The following TMEM97 variants were observed in gnomAD, a reference collection of about 807,000 sequenced individuals.
TMEM97 encodes the protein sigma intracellular receptor 2.
In TMEM97, 13 loss-of-function variants were observed where a neutral mutation model predicts 18.3. That is an observed-to-expected ratio of 0.71 (90% CI 0.46 to 1.13). The LOEUF is 1.13. TMEM97 is among the 50% of genes most tolerant of loss of function. The pLI, the probability that TMEM97 is intolerant of heterozygous loss-of-function variation, is 0.00. For missense variants in TMEM97, 205 were observed against 210.5 expected, an observed-to-expected ratio of 0.97 and a Z score of 0.16; for synonymous variants, 76 against 85.3, an observed-to-expected ratio of 0.89 and a Z score of 0.60.
Position 28,325,489 on chromosome 17 carries a change from G to A in TMEM97, c.127-14G>A, listed in dbSNP as rs782761705. On this transcript the variant is annotated splice_polypyrimidine_tract_variant and intron_variant, in intron 1 of 2. Coordinates refer to ENST00000226230, the MANE Select transcript of TMEM97 (RefSeq NM_014573.3). ...CAAGTGGCTGTAATTCATCATGATCGTTTTCTTTTTCAGTTTAGAAACCTG... is the reference window on the plus strand; with the variant it reads ...CAAGTGGCTGTAATTCATCATGATCATTTTCTTTTTCAGTTTAGAAACCTG... The A allele has an allele frequency of 6.4e-5, 103 of 1,611,880 alleles. No individual in the cohort carries two copies. The highest frequency in any genetic ancestry group is 4.9e-4 in the Middle Eastern group (3 of 6,074).
At chr17:28,321,110 C>T (rs181323040) in intron 1 of TMEM97, among the ~76,000 whole-genome samples, 21 of 152,298 alleles carry the variant, frequency 1.4e-4, no homozygotes, top group Non-Finnish European at 2.6e-4. Context: ...AAGAGGTCAT[C>T]GCAGCTCTGC....
chr17:28,321,108 A>G (rs1906126042), intron 1 of TMEM97, among the ~76,000 whole-genome samples: 1 of 152,246 alleles, frequency 6.6e-6, no homozygotes, highest in Non-Finnish European at 1.5e-5. Flanking sequence ...CGAAGAGGTC[A>G]TCGCAGCTCT....
chr17:28,326,048 TA>T (rs1456564839), intron 2 of TMEM97, among the ~76,000 whole-genome samples: 1 of 152,260 alleles, frequency 6.6e-6, no homozygotes, highest in Non-Finnish European at 1.5e-5. Context: ...CTTCTCATTT[TA>T]AAATTATTCT....
At chr17:28,323,435 T>C in intron 1 of TMEM97, among the ~76,000 whole-genome samples, 1 of 152,114 alleles carries the variant, frequency 6.6e-6, no homozygotes, top group East Asian at 1.9e-4. Context: ...TTTTTTTTTT[T>C]TTAATTTTTT....
intron 2 of TMEM97, among the ~76,000 whole-genome samples, chr17:28,326,181 T>C (rs7226182): frequency 0.12 from 17,861 of 152,246 alleles, 1,263 homozygotes; most frequent in East Asian, 0.23. Flanking sequence ...GAATCTGCCT[T>C]CTGATCCTCT....
At position 28,326,625 on chromosome 17, in the gene TMEM97, G is replaced by C; in HGVS notation, c.363G>C (p.Glu121Asp). Residue 121 changes from glutamate to aspartate, a missense_variant, in exon 3 of 3, where the codon GAG (glutamate) becomes GAC (aspartate). By Grantham distance (45) the Glu-to-Asp change is conservative (BLOSUM62 2). Coordinates refer to ENST00000226230, the MANE Select transcript of TMEM97 (RefSeq NM_014573.3). ...LIPILSTFLF[E>D]DFSKASGFKG... ...CGATACTCTCCACATTTCTGTTTGA[G>C]GATTTCTCCAAAGCCAGTGGTTTCA... 1 of 1,614,114 alleles carries C rather than the reference G, an allele frequency of 6.2e-7. No individual in the cohort carries two copies. The highest frequency in any genetic ancestry group is 8.5e-7 in the Non-Finnish European group (1 of 1,180,024).
At chr17:28,323,729 C>T (rs1271474428) in intron 1 of TMEM97, among the ~76,000 whole-genome samples, 3 of 152,134 alleles carry the variant, frequency 2.0e-5, no homozygotes, top group African/African-American at 7.2e-5. Flanking sequence ...GCAGTCAGGC[C>T]GGGTGCAGTG....
chr17:28,324,496 G>T (rs557415603), intron 1 of TMEM97, among the ~76,000 whole-genome samples: 67 of 152,284 alleles, frequency 4.4e-4, no homozygotes, highest in African/African-American at 1.5e-3. Context: ...CCCTGGAGTT[G>T]CCTTTATTAA....
chr17:28,322,470 C>T (rs1906184923), intron 1 of TMEM97, among the ~76,000 whole-genome samples: 1 of 152,108 alleles, frequency 6.6e-6, no homozygotes, highest in Non-Finnish European at 1.5e-5. Context: ...TCTCAAACTC[C>T]TGACCTCAAG....
Position 28,319,206 on chromosome 17 carries a change from T to C in TMEM97, c.-34T>C. ...AGGCGCGCGGATTTGGCCCCTCTTCTCACATCAGCGGGTCCAGGCCCAACC... is the reference window on the plus strand; with the variant it reads ...AGGCGCGCGGATTTGGCCCCTCTTCCCACATCAGCGGGTCCAGGCCCAACC... On this transcript the variant is annotated 5_prime_UTR_variant, in exon 1 of 3. Transcript: ENST00000226230. The C allele has an allele frequency of 1.3e-6, 2 of 1,562,688 alleles. No individual in the cohort carries two copies. Among genetic ancestry groups the C allele is most frequent in the Non-Finnish European group, 1.7e-6 (2 of 1,154,158 alleles).
intron 1 of TMEM97, chr17:28,324,546 G>C (rs774466484): frequency 3.5e-4 from 53 of 152,176 alleles, no homozygotes; most frequent in Non-Finnish European, 7.1e-4. Flanking sequence ...AGGCCTGTGT[G>C]TCAGGGCAGC....
rs1906481915 is a variant in TMEM97 at position 28,328,559 on chromosome 17, T to C, written c.*1766T>C. 2 of 774,660 alleles carry C rather than the reference T, an allele frequency of 2.6e-6. No individual in the cohort carries two copies. The highest frequency in any genetic ancestry group is 4.3e-6 in the Non-Finnish European group (2 of 460,594). The allele number at this position is 774,660 out of a possible 1,614,324, so 48.0% of individuals were successfully genotyped here. A position where few individuals can be genotyped will look rare whatever the true frequency, so the allele number is the denominator to read the frequency against. Reference sequence around the variant, plus strand: ...ACGCCACCTCTTGTGACATAGGTCATTGGTCAAGCCGCTGGAATGCTACAG... The same window carrying C: ...ACGCCACCTCTTGTGACATAGGTCACTGGTCAAGCCGCTGGAATGCTACAG... On this transcript the variant is annotated 3_prime_UTR_variant, in exon 3 of 3. Transcript: ENST00000226230.
intron 1 of TMEM97, among the ~76,000 whole-genome samples, chr17:28,320,390 C>T (rs1426059116): frequency 6.6e-6 from 1 of 152,154 alleles, no homozygotes; most frequent in African/African-American, 2.4e-5. Flanking sequence ...TTCTACCACT[C>T]CCATAAGTCA....
chr17:28,325,751 G>T, intron 2 of TMEM97, 104 bp downstream of exon 2: 1 of 1,483,116 alleles, frequency 6.7e-7, no homozygotes, highest in South Asian at 1.3e-5. Flanking sequence ...CATAGTTTGT[G>T]GGAGAATGCT....
chr17:28,326,933 C>A lies in TMEM97; in HGVS notation c.*140C>A. ...GCAATGCACAAGAGCAAGATGGTGT[C>A]AGGAACCATGTCAAACCCTCACCTT... On this transcript the variant is annotated 3_prime_UTR_variant, in exon 3 of 3. Coordinates refer to ENST00000226230, the MANE Select transcript of TMEM97 (RefSeq NM_014573.3). 1 of 1,066,192 alleles carries A rather than the reference C, an allele frequency of 9.4e-7. No homozygotes were observed. The highest frequency in any genetic ancestry group is 1.3e-6 in the Non-Finnish European group (1 of 741,468). The allele number at this position is 1,066,192 out of a possible 1,614,324, so 66.0% of individuals were successfully genotyped here.
rs782594088 is a variant in TMEM97 at position 28,319,238 on chromosome 17, C to T, written c.-2C>T. On this transcript the variant is annotated 5_prime_UTR_variant, in exon 1 of 3. Coordinates refer to ENST00000226230, the MANE Select transcript of TMEM97 (RefSeq NM_014573.3). ...AGCGGGTCCAGGCCCAACCGACAGA[C>T]TATGGGGGCTCCGGCAACCAGGCGC... The T allele has an allele frequency of 1.0e-5, 16 of 1,606,376 alleles. No homozygotes were observed. Among genetic ancestry groups the T allele is most frequent in the East Asian group, 2.3e-5 (1 of 44,288 alleles).
intron 1 of TMEM97, chr17:28,324,571 G>A (rs1906263851): frequency 6.6e-6 from 1 of 152,158 alleles, no homozygotes; most frequent in Non-Finnish European, 1.5e-5. Flanking sequence ...CATCTAGGAG[G>A]TTAAATGTGA....
At chr17:28,325,914 G>A (rs1193403523) in intron 2 of TMEM97, 7 of 481,048 alleles carry the variant, frequency 1.5e-5, no homozygotes, top group Non-Finnish European at 2.6e-5. Flanking sequence ...TAAACAATGA[G>A]CTTGTTCCCT....
At chr17:28,325,838 G>A in intron 2 of TMEM97, 191 bp downstream of exon 2, 1 of 740,990 alleles carries the variant, frequency 1.3e-6, no homozygotes, top group Non-Finnish European at 2.1e-6. Context: ...TCTGTGGTCA[G>A]CAGGCCTGCA....
Sources: allele counts gnomAD v4.1 joint callset (sites outside exome capture counted in the v4.1 genomes callset), GRCh38; gene constraint gnomAD v4.1.1; transcripts MANE v1.5; gene names NCBI Gene and HGNC (gene_info 2026-07-23, HGNC 2026-07-21).